ZFHX3: variants seen among roughly 807,000 people sequenced by gnomAD.
The protein encoded by ZFHX3 is zinc finger homeobox 3.
Under a neutral mutation model 279.1 loss-of-function variants are expected in ZFHX3, and 42 were observed. The ratio of observed to expected loss-of-function variants is 0.15; its 90% CI spans 0.12 to 0.19. The LOEUF is 0.19. Ranked by LOEUF, ZFHX3 falls within the 10% of genes least tolerant of loss-of-function variation. ZFHX3 has a pLI of 1.00. For missense variants in ZFHX3, 4,981 were observed against 4,754.0 expected (o/e 1.05, Z -1.40); for synonymous variants, 2,293 against 1,957.8 (o/e 1.17, Z -4.52).
At chr16:73,214,033 G>T (rs1050093100) in intron 5 of ZFHX3, among the ~76,000 whole-genome samples, 1 of 152,132 alleles carries the variant, frequency 6.6e-6, no homozygotes, top group African/African-American at 2.4e-5. Flanking sequence ...TTAAACATAT[G>T]ATTCAATCGG....
intron 1 of ZFHX3, chr16:73,794,290 C>T (rs376334607): frequency 1.3e-5 from 2 of 152,258 alleles, no homozygotes; most frequent in East Asian, 3.9e-4. Context: ...CTAGGCCACC[C>T]CAGACCCCCT....
chr16:73,842,859 C>A (rs1019522098), intron 1 of ZFHX3, among the ~76,000 whole-genome samples: 1 of 152,126 alleles, frequency 6.6e-6, no homozygotes, highest in East Asian at 1.9e-4. Flanking sequence ...CATGCCCCAG[C>A]TCTTATGACC....
At chr16:72,922,267 C>T (rs999480044) in intron 3 of ZFHX3, among the ~76,000 whole-genome samples, 8 of 152,204 alleles carry the variant, frequency 5.3e-5, no homozygotes, top group African/African-American at 1.9e-4. Flanking sequence ...ACTCGCCCCT[C>T]TGGTTTGGTT....
At chr16:72,991,887 A>G (rs959204380) in intron 1 of ZFHX3, among the ~76,000 whole-genome samples, 3 of 152,208 alleles carry the variant, frequency 2.0e-5, no homozygotes, top group Non-Finnish European at 4.4e-5. Flanking sequence ...ATCTGAGCCA[A>G]TCCAACCAGC....
intron 1 of ZFHX3, among the ~76,000 whole-genome samples, chr16:73,834,790 C>G (rs913326913): frequency 6.6e-6 from 1 of 152,192 alleles, no homozygotes; most frequent in South Asian, 2.1e-4. Flanking sequence ...ACTCATGTCA[C>G]TGAGGCAGGA....
At chr16:72,812,068 G>C (rs2036470776) in intron 5 of ZFHX3, 30 bp from the exon 6 acceptor site, 1 of 1,611,268 alleles carries the variant, frequency 6.2e-7, no homozygotes, top group Non-Finnish European at 8.5e-7. Flanking sequence ...ATGCAATACA[G>C]CAGCCAGACC....
chr16:73,873,006 G>C (rs1321781517), intron 1 of ZFHX3, among the ~76,000 whole-genome samples: 2 of 10,856 alleles, frequency 1.8e-4, no homozygotes, highest in Admixed American at 1.7e-3. Flanking sequence ...GTGGCGGGTG[G>C]GTGGTGGGTG....
intron 1 of ZFHX3, among the ~76,000 whole-genome samples, chr16:72,974,143 T>C (rs1962236375): frequency 6.6e-6 from 1 of 152,220 alleles, no homozygotes; most frequent in African/African-American, 2.4e-5. Flanking sequence ...GTTTGGGGAA[T>C]GCAGGCAGAA....
intron 6 of ZFHX3, among the ~76,000 whole-genome samples, chr16:73,136,821 G>A (rs1228004687): frequency 3.3e-5 from 5 of 149,884 alleles, no homozygotes; most frequent in Non-Finnish European, 5.9e-5. Flanking sequence ...GGGAAGAAAT[G>A]CTTTCTGCTG....
intron 1 of ZFHX3, among the ~76,000 whole-genome samples, chr16:73,053,961 C>T (rs1458569000): frequency 1.3e-5 from 2 of 151,806 alleles, no homozygotes; most frequent in Non-Finnish European, 2.9e-5. Flanking sequence ...TAAAATGTCA[C>T]CAGGGTCGAC....
intron 3 of ZFHX3, among the ~76,000 whole-genome samples, chr16:72,905,630 C>A (rs1456645461): frequency 6.6e-6 from 1 of 152,026 alleles, no homozygotes; most frequent in Non-Finnish European, 1.5e-5. Flanking sequence ...TACATGTGTG[C>A]GGGCAGTGTT....
intron 2 of ZFHX3, among the ~76,000 whole-genome samples, chr16:73,584,223 A>G (rs985026948): frequency 1.3e-5 from 2 of 152,204 alleles, no homozygotes; most frequent in Non-Finnish European, 2.9e-5. Flanking sequence ...TGAGAAAGAA[A>G]GAGAATGAGG....
chr16:73,356,884 G>C (rs910799112), intron 3 of ZFHX3, among the ~76,000 whole-genome samples: 1 of 149,898 alleles, frequency 6.7e-6, no homozygotes, highest in Non-Finnish European at 1.5e-5. Context: ...CTAGGCCTGT[G>C]CTGGGAGGTG....
chr16:73,133,838 G>C (rs9937324), intron 6 of ZFHX3, among the ~76,000 whole-genome samples: 3,691 of 152,244 alleles, frequency 0.024, 152 homozygotes, highest in African/African-American at 0.085. Context: ...CCCCAAGAAA[G>C]TATTAGCTGA....
At chr16:73,402,227 G>T (rs1449227637) in intron 3 of ZFHX3, 1 of 152,176 alleles carries the variant, frequency 6.6e-6, no homozygotes, top group Admixed American at 6.5e-5. Flanking sequence ...GCTGAGTTAA[G>T]GATCTGTAAA....
At position 72,869,770 on chromosome 16, in the gene ZFHX3, T is replaced by C. The variant is rs570294729; in HGVS notation, c.3448+19961A>G. 1.6e-3 allele frequency among the ~76,000 whole-genome samples: 247 copies of C among 152,200 alleles called. 1 individual carries two copies. The highest frequency in any genetic ancestry group is 2.5e-3 in the Non-Finnish European group (169 of 68,036). On this transcript the variant is annotated intron_variant, in intron 4 of 9. Transcript: ENST00000268489. ...CTCATTTAAACAGTTCAATTCCTTA[T>C]TAAATCATCTCCAAGCATATCCTCA...
chr16:73,226,362 G>C (rs569701893), intron 5 of ZFHX3, among the ~76,000 whole-genome samples: 1 of 152,380 alleles, frequency 6.6e-6, no homozygotes, highest in East Asian at 1.9e-4. Flanking sequence ...GAATCTGTGA[G>C]TGAATGTACA....
At chr16:73,263,826 C>G (rs1240237774) in intron 4 of ZFHX3, among the ~76,000 whole-genome samples, 5 of 152,198 alleles carry the variant, frequency 3.3e-5, no homozygotes, top group Non-Finnish European at 7.3e-5. Flanking sequence ...TTATCTGGCA[C>G]TGGCTGGAAG....
chr16:73,092,737 T>C (rs2144779135), intron 8 of ZFHX3: 2 of 345,900 alleles, frequency 5.8e-6, no homozygotes, highest in South Asian at 4.6e-5. Flanking sequence ...TTATATGGGC[T>C]TCATGAGGCT....
Sources: gnomAD v4.1 joint callset for allele counts (sites outside exome capture counted in the v4.1 genomes callset) on GRCh38, gnomAD v4.1.1 for gene constraint, MANE v1.5 for transcripts, NCBI Gene and HGNC (gene_info 2026-07-23, HGNC 2026-07-21) for gene names.